TAFA1: variants seen among roughly 807,000 people sequenced by gnomAD.
TAFA1 encodes the protein TAFA chemokine like family member 1, also known as chemokine-like protein TAFA-1.
A neutral mutation model predicts 18.5 loss-of-function variants in TAFA1; 4 were observed. The ratio of observed to expected loss-of-function variants is 0.22; its 90% confidence interval spans 0.11 to 0.49. The LOEUF (loss-of-function observed/expected upper bound fraction) is 0.49. TAFA1 is among the 20% of genes least tolerant of loss of function. TAFA1 has a pLI of 0.98. For missense variants in TAFA1, 147 were observed against 169.0 expected (o/e 0.87, Z 0.72); for synonymous variants, 56 against 55.2 (o/e 1.01, Z -0.06).
At chr3:68,380,021 G>T (rs1489738674) in intron 2 of TAFA1, among the ~76,000 whole-genome samples, 1 of 151,922 alleles carries the variant, frequency 6.6e-6, no homozygotes, top group African/African-American at 2.4e-5. Flanking sequence ...GCGGTGTTTG[G>T]TTTTTCGTCC....
At chr3:68,151,783 C>T (rs1447505493) in intron 2 of TAFA1, among the ~76,000 whole-genome samples, 1 of 152,170 alleles carries the variant, frequency 6.6e-6, no homozygotes, top group Non-Finnish European at 1.5e-5. Context: ...ATCACATGAA[C>T]TTTGGGGAAC....
rs185433036 is a variant in TAFA1, at chr3:68,341,299, T to A, written c.119-75981T>A. Among the ~76,000 whole-genome samples the A allele has an allele frequency of 5.3e-5, 8 of 152,218 alleles. No homozygotes were observed. In the East Asian group the frequency reaches 1.5e-3, roughly 29 times the overall value. ...GAGATGGAATCAAAGGGGGTCGAAG[T>A]GAGTTTTTCTTGCTGTCTTCTTTTC... On this transcript the variant is annotated intron_variant, in intron 2 of 4. Transcript: ENST00000478136.
At chr3:68,335,372 G>A (rs917124904) in intron 2 of TAFA1, among the ~76,000 whole-genome samples, 1 of 152,116 alleles carries the variant, frequency 6.6e-6, no homozygotes, top group Admixed American at 6.5e-5. Context: ...TCTTTCTATG[G>A]TACCACTGCC....
At chr3:68,210,124 A>C (rs1482500226) in intron 2 of TAFA1, among the ~76,000 whole-genome samples, 2 of 152,032 alleles carry the variant, frequency 1.3e-5, no homozygotes, top group African/African-American at 4.8e-5. Flanking sequence ...CTGTTTTTGA[A>C]GGTTTTTCTA....
At chr3:68,347,118 C>A (rs889337491) in intron 2 of TAFA1, among the ~76,000 whole-genome samples, 3 of 152,152 alleles carry the variant, frequency 2.0e-5, no homozygotes, top group African/African-American at 2.4e-5. Flanking sequence ...TATTATACAT[C>A]ATTTTCATCT....
chr3:68,073,372 A>G (rs1158338108), intron 2 of TAFA1, among the ~76,000 whole-genome samples: 1 of 152,266 alleles, frequency 6.6e-6, no homozygotes, highest in East Asian at 1.9e-4. Flanking sequence ...GCAAAGGTCC[A>G]CAGGACTAGA....
chr3:68,265,901 T>A (rs1043550161), intron 2 of TAFA1, among the ~76,000 whole-genome samples: 2 of 152,184 alleles, frequency 1.3e-5, no homozygotes, highest in African/African-American at 4.8e-5. Context: ...CCTAAAAGGT[T>A]TATGCCTGAA....
At chr3:68,263,470 C>CACAT (rs2067478471) in intron 2 of TAFA1, among the ~76,000 whole-genome samples, 1 of 151,592 alleles carries the variant, frequency 6.6e-6, no homozygotes, top group African/African-American at 2.4e-5. Flanking sequence ...CACACACACA[C>CACAT]ACACACACAC....
At chr3:68,017,587 A>G (rs1051108991) in intron 2 of TAFA1, among the ~76,000 whole-genome samples, 2 of 152,206 alleles carry the variant, frequency 1.3e-5, no homozygotes, top group African/African-American at 4.8e-5. Context: ...TATCTCTTCT[A>G]TCCAAAAAAT....
Position 68,189,145 on chromosome 3 carries a change from G to A in TAFA1, c.118+182401G>A, listed in dbSNP as rs575929658. 1.5e-4 allele frequency among the ~76,000 whole-genome samples: 23 copies of A among 152,004 alleles called. 1 individual carries two copies. Among genetic ancestry groups the A allele is most frequent in the South Asian group, 4.2e-4 (2 of 4,818 alleles). ...GTGAGGACTAATGTTGTTCATCATC[G>A]TATTCCCATGGCTGGGCACATGGTA... On this transcript the variant is annotated intron_variant, in intron 2 of 4. Transcript: ENST00000478136.
chr3:68,534,948 G>GA (rs1413979943), intron 3 of TAFA1, among the ~76,000 whole-genome samples: 3 of 151,896 alleles, frequency 2.0e-5, no homozygotes, highest in Non-Finnish European at 4.4e-5. Flanking sequence ...TAGCTTCTGT[G>GA]AAAAAAAGGG....
At chr3:68,008,629 A>C (rs1704410935) in intron 2 of TAFA1, among the ~76,000 whole-genome samples, 1 of 152,106 alleles carries the variant, frequency 6.6e-6, no homozygotes, top group South Asian at 2.1e-4. Context: ...TGTCCTCAGG[A>C]GGCGAAAATG....
intron 3 of TAFA1, among the ~76,000 whole-genome samples, chr3:68,422,387 C>T (rs1295264017): frequency 1.3e-5 from 2 of 152,082 alleles, no homozygotes; most frequent in African/African-American, 4.8e-5. Flanking sequence ...AGTTTATACA[C>T]CACGTTTGTC....
At chr3:68,059,909 C>A (rs1464778248) in intron 2 of TAFA1, among the ~76,000 whole-genome samples, 1 of 152,102 alleles carries the variant, frequency 6.6e-6, no homozygotes, top group East Asian at 1.9e-4. Context: ...TAAATCTATT[C>A]CTGGGAGGCA....
chr3:68,495,549 C>T (rs1007322775), intron 3 of TAFA1, among the ~76,000 whole-genome samples: 6 of 152,046 alleles, frequency 3.9e-5, no homozygotes, highest in African/African-American at 1.2e-4. Context: ...ATTTAAAAGT[C>T]GGCAAATAAG....
intron 3 of TAFA1, among the ~76,000 whole-genome samples, chr3:68,447,460 G>A (rs1184438465): frequency 2.6e-5 from 4 of 152,068 alleles, no homozygotes; most frequent in South Asian, 2.1e-4. Context: ...CACTTGCTCA[G>A]GATCCACTCA....
At chr3:68,440,444 A>G (rs1384376624) in intron 3 of TAFA1, among the ~76,000 whole-genome samples, 6 of 152,232 alleles carry the variant, frequency 3.9e-5, no homozygotes. Context: ...AAGATTTTTT[A>G]TAGCACAAGT....
chr3:68,374,629 C>T (rs967028670), intron 2 of TAFA1, among the ~76,000 whole-genome samples: 12 of 152,136 alleles, frequency 7.9e-5, no homozygotes, highest in Admixed American at 6.5e-5. Flanking sequence ...CTCCTGTAAC[C>T]ATTCCATCAT....
At chr3:68,090,171 A>G (rs1417049976) in intron 2 of TAFA1, among the ~76,000 whole-genome samples, 1 of 152,214 alleles carries the variant, frequency 6.6e-6, no homozygotes, top group Non-Finnish European at 1.5e-5. Flanking sequence ...TCATTGGTTA[A>G]TAACCCAAGA....
Sources: gnomAD v4.1 joint callset for allele counts (sites outside exome capture counted in the v4.1 genomes callset) on GRCh38, gnomAD v4.1.1 for gene constraint, MANE v1.5 for transcripts, NCBI Gene and HGNC (gene_info 2026-07-23, HGNC 2026-07-21) for gene names.